Variants in MAP4 observed in about 807,000 individuals in gnomAD.
MAP4 encodes the protein microtubule-associated protein 4.
A neutral mutation model predicts 170.2 loss-of-function variants in MAP4; 76 were observed. The observed-to-expected ratio is 0.45, with a 90% confidence interval of 0.37 to 0.54. The LOEUF (loss-of-function observed/expected upper bound fraction) is 0.54. MAP4 is among the 20% of genes least tolerant of loss of function. MAP4 has a pLI of 0.00. For missense variants in MAP4, 2,506 were observed against 2,748.0 expected (o/e 0.91, Z 1.97); for synonymous variants, 909 against 994.5 (o/e 0.91, Z 1.62).
At chr3:48,077,589 C>T (rs2100144603) in intron 1 of MAP4, among the ~76,000 whole-genome samples, 2 of 151,904 alleles carry the variant, frequency 1.3e-5, no homozygotes, top group Admixed American at 6.6e-5. Flanking sequence ...GTCCACCCTC[C>T]TCAGCCTCCC....
chr3:47,954,959 A>T (rs2100066782), intron 3 of MAP4, among the ~76,000 whole-genome samples: 1 of 152,174 alleles, frequency 6.6e-6, no homozygotes. Context: ...AGCCCCTAGA[A>T]CTTACCCTCC....
chr3:48,038,971 G>A (rs2100120245), intron 1 of MAP4, among the ~76,000 whole-genome samples: 1 of 152,010 alleles, frequency 6.6e-6, no homozygotes, highest in Non-Finnish European at 1.5e-5. Flanking sequence ...GCATGGTGAT[G>A]CACGCCTATA....
At chr3:47,967,854 T>C (rs1023506495) in intron 3 of MAP4, among the ~76,000 whole-genome samples, 4 of 151,916 alleles carry the variant, frequency 2.6e-5, no homozygotes. Context: ...TCCTAGCTAC[T>C]TGGGAAACTG....
intron 1 of MAP4, among the ~76,000 whole-genome samples, chr3:48,071,723 G>C (rs552752986): frequency 2.4e-4 from 37 of 151,914 alleles, no homozygotes; most frequent in African/African-American, 8.5e-4. Context: ...TCAGGAGCTC[G>C]AGACTGGCTG....
intron 1 of MAP4, among the ~76,000 whole-genome samples, chr3:48,044,238 T>C (rs1371294743): frequency 1.3e-5 from 2 of 150,876 alleles, no homozygotes; most frequent in Non-Finnish European, 3.0e-5. Context: ...CACTGTAAGC[T>C]CCACCTCCCA....
At chr3:47,966,228 CTTTTTTTTTTTTTTTTTTTTTTTT>C (rs757460367) in intron 3 of MAP4, among the ~76,000 whole-genome samples, 2 of 50,222 alleles carry the variant, frequency 4.0e-5, no homozygotes, top group Admixed American at 5.9e-4. Context: ...CCCACACTAC[CTTTTTTTTTTTTTTTTTTTTTTTT>C]TTTTTTTTTT....
intron 1 of MAP4, among the ~76,000 whole-genome samples, chr3:48,005,298 T>C (rs1463918402): frequency 6.6e-6 from 1 of 151,502 alleles, no homozygotes; most frequent in Non-Finnish European, 1.5e-5. Context: ...GAGGCGGAGG[T>C]TGCAGTGAGC....
At chr3:48,004,418 C>A (rs893558600) in intron 1 of MAP4, among the ~76,000 whole-genome samples, 33 of 152,140 alleles carry the variant, frequency 2.2e-4, no homozygotes, top group Admixed American at 1.5e-3. Flanking sequence ...GGAAAACCAA[C>A]GAACATAATG....
intron 1 of MAP4, among the ~76,000 whole-genome samples, chr3:48,053,374 C>T (rs1301163903): frequency 1.3e-5 from 2 of 150,958 alleles, no homozygotes; most frequent in Non-Finnish European, 3.0e-5. Flanking sequence ...TGAAACAACA[C>T]TGCTAGTATC....
In MAP4 at chr3:47,911,196, A is replaced by T; in HGVS notation, c.3225T>A (p.Ser1075=). Residue 1075 remains serine (S), a synonymous_variant, in exon 9 of 21, where the codon TCT becomes TCA. Transcript: ENST00000683076. This position sits in a 1 kb window ranked among gnomAD's most constrained non-coding sequence, Gnocchi z 4.0. ...GCTCAGATTTTGCTTTTACCTTCCC[A>T]GAATCTGTTCTCATTTTCCCAGAAC... ...RGSSGKMRTD[S]GKVKAKSELP... is the part of the protein sequence containing the mutation. The T allele has an allele frequency of 6.5e-7, 1 of 1,536,040 alleles. No homozygotes were observed. Among genetic ancestry groups the T allele is most frequent in the Non-Finnish European group, 8.7e-7 (1 of 1,146,892 alleles).
At chr3:48,015,950 T>C (rs1414148422) in intron 1 of MAP4, among the ~76,000 whole-genome samples, 4 of 152,034 alleles carry the variant, frequency 2.6e-5, no homozygotes, top group African/African-American at 9.7e-5. Context: ...AAGAATATAT[T>C]AACTGTCCAC....
At chr3:47,943,208 G>A (rs944817748) in intron 3 of MAP4, among the ~76,000 whole-genome samples, 11 of 152,098 alleles carry the variant, frequency 7.2e-5, no homozygotes, top group Admixed American at 2.0e-4. Context: ...ATTTTCAGCC[G>A]ACTCCATTTT....
intron 3 of MAP4, chr3:47,974,774 A>C: frequency 1.0e-6 from 1 of 977,622 alleles, no homozygotes; most frequent in Non-Finnish European, 1.2e-6. Flanking sequence ...CAAAAAAAAA[A>C]AAATTTGGCC....
intron 1 of MAP4, among the ~76,000 whole-genome samples, chr3:48,004,542 A>G (rs979868138): frequency 1.3e-5 from 2 of 152,194 alleles, no homozygotes; most frequent in Non-Finnish European, 2.9e-5. Context: ...ATCTGCTAAG[A>G]TTGCCCTGAG....
chr3:47,918,737 G>T lies in MAP4; in HGVS notation c.634C>A (p.Pro212Thr), dbSNP rs201297157. The T allele has an allele frequency of 1.4e-5, 22 of 1,610,678 alleles. No homozygotes were observed. Among genetic ancestry groups the T allele is most frequent in the Non-Finnish European group, 1.8e-5 (21 of 1,177,188 alleles). The change falls in exon 6 of 21, where the codon CCT (proline) becomes ACT (threonine). Residue 212 changes from proline (P) to threonine (T), a missense_variant. Transcript: ENST00000683076. ...AGTTTACCTGCCGTTGGCTGAGGAG[G>T]TTCTGCAACAGCCTCTGGGGAAACA... is the stretch of plus-strand genomic sequence containing the variant. ...SFVSPEAVAE[P>T]PQPTAVPLEL...
At chr3:47,961,757 A>G (rs1398109924) in intron 3 of MAP4, among the ~76,000 whole-genome samples, 1 of 151,966 alleles carries the variant, frequency 6.6e-6, no homozygotes, top group African/African-American at 2.4e-5. Context: ...TGTGCAGAAC[A>G]CCCCATGGTG....
In MAP4 at chr3:47,916,330, T is replaced by G; in HGVS notation, c.1497A>C (p.Glu499Asp). ...GAGACATGTCCTTCAACAAGCCCAC[T>G]TCTTTTACTGTGGACGGAGCCACAT... is the stretch of plus-strand genomic sequence containing the variant. ...AKDVAPSTVK[E>D]VGLLKDMSPL... is the part of the protein sequence containing the mutation. Residue 499 changes from glutamate to aspartate, a missense_variant, in exon 7 of 21, where the codon GAA becomes GAC. By Grantham distance (45) the Glu-to-Asp change is conservative. Coordinates refer to ENST00000683076, the MANE Select transcript of MAP4 (RefSeq NM_001385682.1). 6.2e-7 allele frequency: 1 copy of G among 1,614,254 alleles called. No homozygotes were observed.
At chr3:48,019,186 T>C (rs1276548765), upstream of MAP4, among the ~76,000 whole-genome samples, 1 of 151,804 alleles carries the variant, frequency 6.6e-6, no homozygotes, top group Non-Finnish European at 1.5e-5. Flanking sequence ...AAAAAAAATG[T>C]TTTTAATTAG....
At chr3:48,003,110 G>A (rs2100100230) in intron 1 of MAP4, among the ~76,000 whole-genome samples, 1 of 151,998 alleles carries the variant, frequency 6.6e-6, no homozygotes, top group South Asian at 2.1e-4. Context: ...CACGCACTGA[G>A]AGAGTTTAAT....
Sources: gnomAD v4.1 joint callset for allele counts (sites outside exome capture counted in the v4.1 genomes callset) on GRCh38, gnomAD v4.1.1 for gene constraint, Gnocchi (gnomAD v3.1) non-coding constraint, MANE v1.5 for transcripts, NCBI Gene and HGNC (gene_info 2026-07-23, HGNC 2026-07-21) for gene names.